The following RALB variants were observed in gnomAD, a reference collection of about 807,000 sequenced individuals.
RALB encodes ras-related protein Ral-B.
A neutral mutation model predicts 21.3 loss-of-function variants in RALB; 16 were observed. The ratio of observed to expected loss-of-function variants is 0.75; its 90% CI spans 0.51 to 1.14. The LOEUF is 1.14. Among genes scored for constraint, RALB ranks in the 50% most tolerant of loss-of-function variants. The pLI, the probability that RALB is intolerant of heterozygous loss-of-function variation, is 0.00. For missense variants in RALB, 161 were observed against 256.2 expected, an observed-to-expected ratio of 0.63 and a Z score of 2.54; for synonymous variants, 93 against 96.1, an observed-to-expected ratio of 0.97 and a Z score of 0.19.
intron 2 of RALB, among the ~76,000 whole-genome samples, chr2:120,279,210 T>A (rs989014650): frequency 2.0e-5 from 3 of 152,076 alleles, no homozygotes; most frequent in Non-Finnish European, 4.4e-5. Flanking sequence ...CAGATCCAGT[T>A]CTCCCGTGCG....
At chr2:120,254,600 A>G (rs745962735) in intron 1 of RALB, among the ~76,000 whole-genome samples, 30 of 152,202 alleles carry the variant, frequency 2.0e-4, no homozygotes, top group African/African-American at 2.9e-4. Context: ...GAGGGTAGAA[A>G]AGTTCTAAAT....
At chr2:120,253,831 C>T (rs1437491071) in intron 1 of RALB, 3 of 445,004 alleles carry the variant, frequency 6.7e-6, no homozygotes, top group Non-Finnish European at 8.9e-6. Context: ...TGTGACTCAT[C>T]TTCAGCCCTT....
chr2:120,285,802 G>A, intron 2 of RALB, 72 bp from the exon 3 acceptor site: 1 of 1,292,190 alleles, frequency 7.7e-7, no homozygotes, highest in South Asian at 1.2e-5. Context: ...GCCCATATGT[G>A]GAATTTTGTT....
intron 2 of RALB, among the ~76,000 whole-genome samples, chr2:120,281,638 G>A (rs1025101000): frequency 1.3e-5 from 2 of 152,068 alleles, no homozygotes; most frequent in Non-Finnish European, 2.9e-5. Flanking sequence ...CTTATTCTGG[G>A]GGGTCAAACT....
At chr2:120,253,783 C>T (rs569624452) in intron 1 of RALB, 1 of 906,800 alleles carries the variant, frequency 1.1e-6, no homozygotes, top group African/African-American at 1.8e-5. Flanking sequence ...ATGAATTGGC[C>T]GTGGAAGAGA....
upstream of RALB, among the ~76,000 whole-genome samples, chr2:120,249,991 C>T (rs941116068): frequency 1.3e-5 from 2 of 152,236 alleles, no homozygotes; most frequent in African/African-American, 2.4e-5. Flanking sequence ...TTCCTCCTAC[C>T]CCCATCTTTT....
intron 3 of RALB, among the ~76,000 whole-genome samples, chr2:120,288,675 T>C (rs1272151129): frequency 6.6e-6 from 1 of 152,202 alleles, no homozygotes; most frequent in African/African-American, 2.4e-5. Flanking sequence ...ATTAGTACTT[T>C]CAGATAGCTG....
intron 1 of RALB, among the ~76,000 whole-genome samples, chr2:120,244,968 G>C (rs1228915519): frequency 1.3e-5 from 2 of 152,216 alleles, no homozygotes; most frequent in Non-Finnish European, 2.9e-5. Context: ...TTCTGCCAAA[G>C]GTGTGTGAGA....
chr2:120,248,838 TTTTTTA>T, upstream of RALB, among the ~76,000 whole-genome samples: 1 of 152,000 alleles, frequency 6.6e-6, no homozygotes, highest in Non-Finnish European at 1.5e-5. Flanking sequence ...TCTGGCTAAT[TTTTTTA>T]TTTTTTATAG....
At chr2:120,289,465 G>A in intron 3 of RALB, 115 bp from the exon 4 acceptor site, 1 of 1,078,824 alleles carries the variant, frequency 9.3e-7, no homozygotes, top group South Asian at 1.4e-5. Flanking sequence ...CCTAAATCTA[G>A]TGATTTTTTT....
intron 1 of RALB, among the ~76,000 whole-genome samples, chr2:120,246,716 C>T (rs1288557867): frequency 1.3e-5 from 2 of 152,190 alleles, no homozygotes; most frequent in Admixed American, 6.5e-5. Context: ...GCTGTGGTTC[C>T]CCAGGGAAGG....
In RALB at chr2:120,293,504, C is replaced by G; in HGVS notation, c.*244C>G. ...TCTTTCTTCTCCCCTTCTTCCCTCC[C>G]AAAAGCTTAGCTATGTATAAAGTGC... On this transcript the variant is annotated 3_prime_UTR_variant, in exon 5 of 5. Transcript: ENST00000272519. The G allele has an allele frequency of 3.6e-6, 1 of 281,346 alleles. No individual in the cohort carries two copies. The highest frequency in any genetic ancestry group is 6.6e-6 in the Non-Finnish European group (1 of 152,040). The allele number at this position is 281,346 out of a possible 1,614,324, so 17.4% of individuals were successfully genotyped here.
chr2:120,272,617 A>T (rs955386588), intron 1 of RALB, among the ~76,000 whole-genome samples: 1 of 152,188 alleles, frequency 6.6e-6, no homozygotes, highest in Admixed American at 6.5e-5. Flanking sequence ...GTATTTTTTT[A>T]AGAACACATT....
upstream of RALB, among the ~76,000 whole-genome samples, chr2:120,249,074 G>A (rs538673953): frequency 2.7e-5 from 4 of 145,568 alleles, no homozygotes; most frequent in South Asian, 8.7e-4. Context: ...TTGCTCTGTT[G>A]CCCAGGCTGG....
At chr2:120,289,252 T>G (rs1354738365) in intron 3 of RALB, among the ~76,000 whole-genome samples, 14 of 151,856 alleles carry the variant, frequency 9.2e-5, no homozygotes, top group African/African-American at 3.2e-4. Flanking sequence ...TTGTTTTTTT[T>G]TTTGTGTGTG....
At chr2:120,240,192 G>A in intron 1 of RALB, 1 of 1,280,702 alleles carries the variant, frequency 7.8e-7, no homozygotes, top group South Asian at 1.2e-5. Context: ...CTTGCCTGTT[G>A]TTATCCTCAT....
chr2:120,264,581 T>C (rs1311997847), intron 1 of RALB, among the ~76,000 whole-genome samples: 2 of 152,248 alleles, frequency 1.3e-5, no homozygotes, highest in African/African-American at 4.8e-5. Flanking sequence ...ATAACTACTT[T>C]TTAAAAATTC....
At chr2:120,263,854 T>A (rs549375028) in intron 1 of RALB, among the ~76,000 whole-genome samples, 38 of 148,002 alleles carry the variant, frequency 2.6e-4, no homozygotes, top group Admixed American at 3.4e-4. Context: ...TTTTATTATT[T>A]ATTTATTTTT....
chr2:120,261,185 G>A (rs144523191), intron 1 of RALB, among the ~76,000 whole-genome samples: 2,667 of 152,252 alleles, frequency 0.018, 84 homozygotes, highest in African/African-American at 0.06. Flanking sequence ...ACGCATGTGT[G>A]AATCTTTAGG....
Sources: allele counts gnomAD v4.1 joint callset (sites outside exome capture counted in the v4.1 genomes callset), GRCh38; gene constraint gnomAD v4.1.1; transcripts MANE v1.5; gene names NCBI Gene and HGNC (gene_info 2026-07-23, HGNC 2026-07-21).